CNTLN: variants seen among roughly 807,000 people sequenced by gnomAD.
The protein encoded by CNTLN is centlein, centrosomal protein.
CNTLN carries 212 observed loss-of-function variants against 180.0 expected under a neutral mutation model. The observed-to-expected ratio is 1.18, with a 90% confidence interval of 1.05 to 1.32. The LOEUF is 1.32. Among genes scored for constraint, CNTLN ranks in the 40% most tolerant of loss-of-function variants. The pLI is 0.00. For synonymous variants in CNTLN, 722 were observed against 563.1 expected, an observed-to-expected ratio of 1.28 and a Z score of -3.99; for missense variants, 2,095 against 1,610.9, an observed-to-expected ratio of 1.30 and a Z score of -5.14.
At chr9:17,275,478 A>G (rs890026349) in intron 6 of CNTLN, among the ~76,000 whole-genome samples, 21 of 151,806 alleles carry the variant, frequency 1.4e-4, no homozygotes, top group African/African-American at 4.6e-4. Context: ...CACAGATGTT[A>G]TCATGTTTTG....
intron 2 of CNTLN, among the ~76,000 whole-genome samples, chr9:17,208,821 C>G (rs1477642344): frequency 6.6e-6 from 1 of 152,016 alleles, no homozygotes; most frequent in Non-Finnish European, 1.5e-5. Flanking sequence ...CCTTTTTCAT[C>G]TTTGATTTTA....
chr9:17,523,520 C>T, the CNTLN span, among the ~76,000 whole-genome samples: 1,128 of 152,156 alleles, frequency 7.4e-3, 14 homozygotes, highest in African/African-American at 0.026. Context: ...TACAGGTGTG[C>T]GCCACCATGC....
chr9:17,186,274 G>C (rs1026788924), intron 2 of CNTLN, among the ~76,000 whole-genome samples: 1 of 152,084 alleles, frequency 6.6e-6, no homozygotes, highest in African/African-American at 2.4e-5. Flanking sequence ...TTCATGTTGT[G>C]TAGTGTCTGT....
intron 2 of CNTLN, among the ~76,000 whole-genome samples, chr9:17,188,387 T>G (rs571248079): frequency 6.6e-6 from 1 of 152,234 alleles, no homozygotes; most frequent in Non-Finnish European, 1.5e-5. Flanking sequence ...TTTCAAAAAC[T>G]ATGACCCTTA....
intron 15 of CNTLN, among the ~76,000 whole-genome samples, chr9:17,395,955 T>G (rs1826484878): frequency 6.6e-6 from 1 of 152,108 alleles, no homozygotes; most frequent in South Asian, 2.1e-4. Flanking sequence ...ACAAAGGTCA[T>G]AAAGACCTTG....
At chr9:17,425,723 C>T (rs1829036049) in intron 18 of CNTLN, among the ~76,000 whole-genome samples, 1 of 151,964 alleles carries the variant, frequency 6.6e-6, no homozygotes, top group South Asian at 2.1e-4. Context: ...AAAAGCAATC[C>T]TTATGATAAA....
chr9:17,222,621 G>A lies in CNTLN; in HGVS notation c.450-3582G>A, dbSNP rs150426228. 1.2e-4 allele frequency among the ~76,000 whole-genome samples: 18 copies of A among 152,060 alleles called. No homozygotes were observed. In the East Asian group the frequency reaches 3.5e-3, roughly 29 times the overall value. On this transcript the variant is annotated intron_variant, in intron 2 of 25. Coordinates refer to ENST00000380647, the MANE Select transcript of CNTLN (RefSeq NM_017738.4). The stretch of plus-strand genomic sequence containing the variant: ...ATTCTGAGGCCTCCCCAGCCATGTC[G>A]AACTGTAAGTCCAAGTAAACCTCTT...
chr9:17,277,035 T>C (rs1828356099), intron 6 of CNTLN, among the ~76,000 whole-genome samples: 1 of 151,984 alleles, frequency 6.6e-6, no homozygotes, highest in Non-Finnish European at 1.5e-5. Context: ...ACTAATTAAA[T>C]TGCCTAACCA....
intron 2 of CNTLN, among the ~76,000 whole-genome samples, chr9:17,212,332 G>T (rs1009730220): frequency 2.8e-4 from 42 of 152,122 alleles, no homozygotes; most frequent in African/African-American, 9.2e-4. Context: ...TTTGTCTTTG[G>T]TTCTGTTTAT....
the CNTLN span, among the ~76,000 whole-genome samples, chr9:17,524,376 A>C: frequency 1.3e-5 from 2 of 152,288 alleles, no homozygotes; most frequent in South Asian, 4.1e-4. Context: ...GTCCCAGCTC[A>C]AGGCTGTCAG....
At chr9:17,248,545 T>C (rs1825941310) in intron 5 of CNTLN, among the ~76,000 whole-genome samples, 1 of 142,450 alleles carries the variant, frequency 7.0e-6, no homozygotes, top group Non-Finnish European at 1.5e-5. Flanking sequence ...TATAAATATA[T>C]TTAATAATTT....
chr9:17,523,853 G>A, the CNTLN span, among the ~76,000 whole-genome samples: 2 of 152,186 alleles, frequency 1.3e-5, no homozygotes, highest in South Asian at 2.1e-4. Context: ...AAGCTTTTGC[G>A]TTAAGGAGCA....
intron 7 of CNTLN, chr9:17,300,134 G>C (rs1374267555): frequency 6.6e-6 from 1 of 152,054 alleles, no homozygotes; most frequent in African/African-American, 2.4e-5. Flanking sequence ...CACATTTTTA[G>C]CTTTTGAGAT....
chr9:17,283,631 A>G (rs752914869), intron 6 of CNTLN, among the ~76,000 whole-genome samples: 16 of 152,058 alleles, frequency 1.1e-4, no homozygotes, highest in Non-Finnish European at 1.5e-4. Context: ...TTCCAATACT[A>G]TGTTGAATAG....
chr9:17,192,693 C>T (rs942876272), intron 2 of CNTLN, among the ~76,000 whole-genome samples: 9 of 152,178 alleles, frequency 5.9e-5, no homozygotes, highest in African/African-American at 2.2e-4. Context: ...TAATATACTA[C>T]CTAAGGGGAG....
chr9:17,139,874 T>G (rs1225313578), intron 1 of CNTLN, among the ~76,000 whole-genome samples: 1 of 151,988 alleles, frequency 6.6e-6, no homozygotes, highest in African/African-American at 2.4e-5. Flanking sequence ...TAGGCTAAGT[T>G]TTGCATTTTT....
At chr9:17,481,312 A>C (rs1286633502) in intron 23 of CNTLN, among the ~76,000 whole-genome samples, 2 of 152,182 alleles carry the variant, frequency 1.3e-5, no homozygotes, top group Non-Finnish European at 2.9e-5. Context: ...TGCAGCCTTT[A>C]GCCCCAACAA....
intron 6 of CNTLN, among the ~76,000 whole-genome samples, chr9:17,296,875 C>A (rs1469782959): frequency 6.6e-6 from 1 of 152,198 alleles, no homozygotes; most frequent in Non-Finnish European, 1.5e-5. Context: ...AGCGGAACTC[C>A]TTGCTCCCAT....
intron 2 of CNTLN, among the ~76,000 whole-genome samples, chr9:17,151,298 C>G (rs184368629): frequency 3.3e-5 from 5 of 152,174 alleles, no homozygotes; most frequent in East Asian, 3.9e-4. Context: ...ATAAATAGCT[C>G]TTATTATTTT....
Sources: allele counts gnomAD v4.1 joint callset (sites outside exome capture counted in the v4.1 genomes callset), GRCh38; gene constraint gnomAD v4.1.1; transcripts MANE v1.5; gene names NCBI Gene and HGNC (gene_info 2026-07-23, HGNC 2026-07-21).